The following RYR1 variants were observed in gnomAD, a reference collection of about 807,000 sequenced individuals.
RYR1 encodes the protein central core disease of muscle.
RYR1 carries 342 observed loss-of-function variants against 583.5 expected under a neutral mutation model. The observed-to-expected ratio is 0.59, with a 90% confidence interval of 0.54 to 0.64. The LOEUF (loss-of-function observed/expected upper bound fraction) is 0.64. RYR1 is among the 30% of genes least tolerant of loss of function. The probability of loss-of-function intolerance (pLI) is 0.00; values close to 1 mark genes in which losing one functional copy is unlikely to be tolerated. For missense variants in RYR1, 6,032 were observed against 6,917.2 expected, an observed-to-expected ratio of 0.87 and a Z score of 4.54; for synonymous variants, 2,791 against 2,822.5, an observed-to-expected ratio of 0.99 and a Z score of 0.35.
At chr19:38,525,600 C>A in intron 71 of RYR1, 98 bp downstream of exon 71, 1 of 1,328,864 alleles carries the variant, frequency 7.5e-7, no homozygotes, top group Non-Finnish European at 1.1e-6. Flanking sequence ...CCACTGAGCC[C>A]CCCAGGTCCC....
At chr19:38,486,865 TCAA>T (rs1568486242) in intron 34 of RYR1, among the ~76,000 whole-genome samples, 1 of 152,172 alleles carries the variant, frequency 6.6e-6, no homozygotes, top group African/African-American at 2.4e-5. Flanking sequence ...CATCTTTCCA[TCAA>T]CAAGATCTTT....
intron 95 of RYR1, among the ~76,000 whole-genome samples, 154 bp downstream of exon 95, chr19:38,572,424 T>C (rs554340680): frequency 1.3e-5 from 2 of 152,018 alleles, no homozygotes; most frequent in South Asian, 4.2e-4. Context: ...GGGTACAGGA[T>C]TGGGGTCTCC....
intron 70 of RYR1, among the ~76,000 whole-genome samples, chr19:38,524,186 CAAA>C (rs56388141): frequency 2.4e-5 from 2 of 84,136 alleles, no homozygotes; most frequent in Non-Finnish European, 4.8e-5. Context: ...CTTTTGTTCC[CAAA>C]AAAAAAAAAA....
rs145699105 is a variant in RYR1, at chr19:38,467,522, C to G, written c.3179-88C>G. 2,121 of 1,382,216 alleles carry G rather than the reference C, an allele frequency of 1.5e-3. 23 individuals are homozygous for G. In the African/African-American group the frequency reaches 0.026, roughly 17 times the overall value. The allele number at this position is 1,382,216 out of a possible 1,614,324, so 85.6% of individuals were successfully genotyped here. On this transcript the variant is annotated intron_variant, in intron 24 of 105. Transcript: ENST00000359596. The stretch of plus-strand genomic sequence containing the variant: ...ACAGTTCCCCAAAGCCCTTACTGTC[C>G]CCCAAAGCCTGTCTTCTACCAACTT...
In RYR1 at chr19:38,496,907, G is replaced by T; in HGVS notation, c.6844G>T (p.Asp2282Tyr). The change falls in exon 42 of 106, where the codon GAC (aspartate) becomes TAC (tyrosine). Residue 2282 changes from aspartate (D) to tyrosine (Y), a missense_variant. Physicochemically the swap from Asp to Tyr is radical, Grantham distance 160. Transcript: ENST00000359596. The surrounding 1 kb of genome is among the most constrained non-coding windows in gnomAD (Gnocchi z 4.8). Reference protein sequence around the residue: ...PLDVAAASVIDNNELALALQE... With the variant: ...PLDVAAASVIYNNELALALQE... ...GGACGTGGCTGCTGCCTCCGTCATT[G>T]ACAACAATGAGCTGGCCTTGGCATT... 1.2e-6 allele frequency: 2 copies of T among 1,613,588 alleles called. No individual in the cohort carries two copies. Among genetic ancestry groups the T allele is most frequent in the South Asian group, 2.2e-5 (2 of 91,056 alleles).
chr19:38,554,269 C>T (rs79201889), intron 89 of RYR1, among the ~76,000 whole-genome samples: 96 of 49,562 alleles, frequency 1.9e-3, no homozygotes, highest in Non-Finnish European at 3.2e-3. Context: ...CTGACCAACA[C>T]GGTGAAACCC....
In RYR1 at chr19:38,477,873, G is replaced by A; in HGVS notation, c.4454+3G>A. 6.2e-7 allele frequency: 1 copy of A among 1,608,966 alleles called. No individual in the cohort carries two copies. Among genetic ancestry groups the A allele is most frequent in the East Asian group, 2.2e-5 (1 of 44,724 alleles). ...GAACAAGGCAACGTCCACAGCAGGT[G>A]CCGGGGCTGGGGGGAGGTGGGAGGT... On this transcript the variant is annotated splice_donor_region_variant and intron_variant, in intron 30 of 105. Coordinates refer to ENST00000359596, the MANE Select transcript of RYR1 (RefSeq NM_000540.3).
intron 93 of RYR1, among the ~76,000 whole-genome samples, chr19:38,568,165 A>T (rs1308696139): frequency 1.3e-5 from 2 of 152,068 alleles, no homozygotes; most frequent in African/African-American, 2.4e-5. Flanking sequence ...ACCTCTGTTC[A>T]TCGGGGCCAC....
chr19:38,499,061 G>A lies in RYR1; in HGVS notation c.6892-47G>A. On this transcript the variant is annotated intron_variant, in intron 42 of 105. Coordinates refer to ENST00000359596, the MANE Select transcript of RYR1 (RefSeq NM_000540.3). The surrounding 1 kb of genome is among the most constrained non-coding windows in gnomAD (Gnocchi z 7.3). ...AGGGCAGAGGGCTGAGCCCCAGGAG[G>A]AAGGTGGCATGGGTCTGGTCTCTGA... 1 of 1,609,350 alleles carries A rather than the reference G, an allele frequency of 6.2e-7. No homozygotes were observed. Among genetic ancestry groups the A allele is most frequent in the Non-Finnish European group, 8.5e-7 (1 of 1,177,116 alleles).
intron 34 of RYR1, 124 bp from the exon 35 acceptor site, chr19:38,489,053 A>G (rs1238313601): frequency 3.5e-6 from 3 of 868,204 alleles, no homozygotes; most frequent in Non-Finnish European, 5.8e-6. Flanking sequence ...CTGTGGGAGG[A>G]ATCGGATCAG....
intron 13 of RYR1, among the ~76,000 whole-genome samples, chr19:38,454,273 C>T (rs1177071357): frequency 6.6e-6 from 1 of 152,220 alleles, no homozygotes; most frequent in Non-Finnish European, 1.5e-5. Flanking sequence ...CTCCTGACCT[C>T]AGGTGATCCA....
At position 38,463,528 on chromosome 19, in the gene RYR1, G is replaced by T. The variant is rs747087607; in HGVS notation, c.2682+1G>T. On this transcript the variant is annotated splice_donor_variant, in intron 21 of 105. Transcript: ENST00000359596. LOFTEE classifies it high-confidence loss of function. ...CGAGCAGGGCTGGACCTACGGCCCG[G>T]TGAGGGGCTGCCTGCAGCCTGCGGG... 1 of 1,611,546 alleles carries T rather than the reference G, an allele frequency of 6.2e-7. No individual in the cohort carries two copies. Among genetic ancestry groups the T allele is most frequent in the Non-Finnish European group, 8.5e-7 (1 of 1,179,584 alleles).
Position 38,485,664 on chromosome 19 carries a change from G to A in RYR1, c.5009G>A (p.Arg1670His), listed in dbSNP as rs1248039154. The A allele has an allele frequency of 5.0e-6, 8 of 1,610,516 alleles. No homozygotes were observed. Among genetic ancestry groups the A allele is most frequent in the African/African-American group, 2.7e-5 (2 of 74,928 alleles). Residue 1670 changes from arginine to histidine, a missense_variant, in exon 34 of 106, where the codon CGC (arginine) becomes CAC (histidine). Physicochemically the swap from Arg to His is conservative, Grantham distance 29. Around this residue, in one of 11 missense-constraint regions of RYR1, gnomAD observed 2,627 missense variants for 2,961.3 expected, o/e 0.89. Transcript: ENST00000359596. ...CACTCGCACACCCTGCGCCTCTACCGCGCTGTGTGCGCCCTGGGCAACAAT... is the reference window on the plus strand; with the variant it reads ...CACTCGCACACCCTGCGCCTCTACCACGCTGTGTGCGCCCTGGGCAACAAT... ...RFHSHTLRLY[R>H]AVCALGNNRV...
intron 38 of RYR1, among the ~76,000 whole-genome samples, 141 bp from the exon 39 acceptor site, chr19:38,494,196 TAGAATCTGCCTGCTC>T (rs1249817976): frequency 6.6e-6 from 1 of 152,158 alleles, no homozygotes; most frequent in Non-Finnish European, 1.5e-5. Context: ...AACAATCTGC[TAGAATCTGCCTGCTC>T]CCAGCAGGTG....
rs1970072461 is a variant in RYR1 at position 38,500,718 on chromosome 19, T to C, written c.7436T>C (p.Leu2479Pro). ...IISLPLQIPT[L>P]GKDGALVQPK... Reference sequence around the variant, plus strand: ...AGCCTCCCACTGCAGATTCCCACCCTGGGCAAAGGTGCAGAGGGGATGGAA... The same window carrying C: ...AGCCTCCCACTGCAGATTCCCACCCCGGGCAAAGGTGCAGAGGGGATGGAA... The change falls in exon 46 of 106, where the codon CTG (leucine) becomes CCG (proline). Residue 2479 changes from leucine (L) to proline (P), a missense_variant. Leu to Pro is a moderately conservative substitution (Grantham distance 98). Around this residue, in one of 11 missense-constraint regions of RYR1, gnomAD observed 2,627 missense variants for 2,961.3 expected, o/e 0.89. Transcript: ENST00000359596. The surrounding 1 kb of genome is among the most constrained non-coding windows in gnomAD (Gnocchi z 5.9). The C allele has an allele frequency of 1.2e-6, 2 of 1,614,140 alleles. No individual in the cohort carries two copies. The highest frequency in any genetic ancestry group is 2.2e-5 in the South Asian group (2 of 91,078).
At chr19:38,550,157 T>G (rs1326425848) in intron 89 of RYR1, among the ~76,000 whole-genome samples, 1 of 152,142 alleles carries the variant, frequency 6.6e-6, no homozygotes, top group Non-Finnish European at 1.5e-5. Flanking sequence ...AAATTAACAT[T>G]GGCACAATGC....
chr19:38,502,782 GGGGCAGGGGCAGGGGCAGGGGC>G, intron 48 of RYR1, 55 bp downstream of exon 48: 3 of 1,149,900 alleles, frequency 2.6e-6, no homozygotes, highest in South Asian at 2.9e-5. Context: ...GGCAGGGGCA[GGGGCAGGGGCAGGGGCAGGGGC>G]AGGGGGAGGA....
rs1169017372 is a variant in RYR1 at position 38,463,412 on chromosome 19, T to G, written c.2578-11T>G. 2 of 1,612,996 alleles carry G rather than the reference T, an allele frequency of 1.2e-6. No individual in the cohort carries two copies. Among genetic ancestry groups the G allele is most frequent in the East Asian group, 2.2e-5 (1 of 44,844 alleles). On this transcript the variant is annotated splice_polypyrimidine_tract_variant and intron_variant, in intron 20 of 105. Coordinates refer to ENST00000359596, the MANE Select transcript of RYR1 (RefSeq NM_000540.3). ...GACCTTGGGGTCTCAAGAACGTCCC[T>G]CTGCCTCTAGATTGTCCTGCCGCCC...
intron 89 of RYR1, among the ~76,000 whole-genome samples, chr19:38,560,750 AGAG>A (rs1461880056): frequency 5.5e-5 from 8 of 145,828 alleles, no homozygotes; most frequent in African/African-American, 1.0e-4. Context: ...AAAAAAAAAA[AGAG>A]AAAGAAAAAG....
Sources: allele counts gnomAD v4.1 joint callset (sites outside exome capture counted in the v4.1 genomes callset), GRCh38; gene constraint gnomAD v4.1.1; regional missense constraint gnomAD v4.1.1; non-coding constraint Gnocchi (gnomAD v3.1); transcripts MANE v1.5; gene names NCBI Gene and HGNC (gene_info 2026-07-23, HGNC 2026-07-21).